DOCK10: variants seen among roughly 807,000 people sequenced by gnomAD.
DOCK10 encodes the protein dedicator of cytokinesis 10.
A neutral mutation model predicts 280.1 loss-of-function variants in DOCK10; 145 were observed. The observed-to-expected ratio is 0.52, with a 90% CI of 0.45 to 0.59. The LOEUF (loss-of-function observed/expected upper bound fraction) is 0.59, where lower values mean the gene tolerates loss of function less well. Ranked by LOEUF, DOCK10 falls within the 20% of genes least tolerant of loss-of-function variation. The probability of loss-of-function intolerance (pLI) is 0.00; values close to 1 mark genes in which losing one functional copy is unlikely to be tolerated. For missense variants in DOCK10, 2,368 were observed against 2,651.7 expected, an observed-to-expected ratio of 0.89 and a Z score of 2.35; for synonymous variants, 915 against 942.2, an observed-to-expected ratio of 0.97 and a Z score of 0.53.
intron 1 of DOCK10, among the ~76,000 whole-genome samples, chr2:224,934,043 A>G (rs1029861401): frequency 1.3e-5 from 2 of 152,164 alleles, no homozygotes; most frequent in African/African-American, 4.8e-5. Context: ...TTATTAATAA[A>G]ACCACAGAGA....
chr2:224,915,556 T>C (rs1469100308), intron 3 of DOCK10, among the ~76,000 whole-genome samples: 1 of 152,214 alleles, frequency 6.6e-6, no homozygotes, highest in African/African-American at 2.4e-5. Context: ...TGTATTAATA[T>C]GTACATTAAT....
intron 53 of DOCK10, among the ~76,000 whole-genome samples, chr2:224,771,840 G>GA: frequency 6.6e-6 from 1 of 151,892 alleles, no homozygotes; most frequent in South Asian, 2.1e-4. Context: ...TCAGCCCATG[G>GA]GGGACACAGA....
intron 1 of DOCK10, among the ~76,000 whole-genome samples, chr2:225,008,885 C>G (rs1390421723): frequency 6.6e-6 from 1 of 152,192 alleles, no homozygotes; most frequent in Non-Finnish European, 1.5e-5. Flanking sequence ...GAACAAACAG[C>G]CACAGTTATG....
At position 224,813,154 on chromosome 2, in the gene DOCK10, C is replaced by T. The variant is rs116237053; in HGVS notation, c.3409+1166G>A. On this transcript the variant is annotated intron_variant, in intron 31 of 55. Coordinates refer to ENST00000258390, the MANE Select transcript of DOCK10 (RefSeq NM_014689.3). ...CTTGATTGTAGTAATCATTTCACAACGCATACATATATCAAAACATGTTTT... is the reference window on the plus strand; with the variant it reads ...CTTGATTGTAGTAATCATTTCACAATGCATACATATATCAAAACATGTTTT... Among the ~76,000 whole-genome samples the T allele has an allele frequency of 1.6e-3, 243 of 152,270 alleles. 1 individual carries two copies. The highest frequency in any genetic ancestry group is 3.4e-3 in the Middle Eastern group (1 of 294).
At chr2:224,778,465 C>T (rs1574801074) in intron 50 of DOCK10, 181 bp from the exon 51 acceptor site, 2 of 672,254 alleles carry the variant, frequency 3.0e-6, no homozygotes, top group East Asian at 5.7e-5. Context: ...AAAGTATCAT[C>T]TTATAATCAG....
At chr2:224,949,257 T>C (rs1021443093) in intron 1 of DOCK10, among the ~76,000 whole-genome samples, 3 of 152,240 alleles carry the variant, frequency 2.0e-5, no homozygotes, top group African/African-American at 7.2e-5. Context: ...TTTTCTGCTT[T>C]AGTTTTAGAA....
intron 7 of DOCK10, among the ~76,000 whole-genome samples, 191 bp downstream of exon 7, chr2:224,885,480 C>T (rs1334116874): frequency 6.6e-6 from 1 of 152,112 alleles, no homozygotes; most frequent in Admixed American, 6.5e-5. Flanking sequence ...CATGTCTTTG[C>T]TTAATTCCTG....
chr2:224,982,352 C>T, intron 1 of DOCK10: 1 of 1,231,938 alleles, frequency 8.1e-7, no homozygotes, highest in Non-Finnish European at 1.0e-6. Context: ...CAGAACAATG[C>T]TGGCAGTGCA....
chr2:224,822,850 G>A (rs1403304336), intron 28 of DOCK10, among the ~76,000 whole-genome samples: 1 of 152,074 alleles, frequency 6.6e-6, no homozygotes, highest in African/African-American at 2.4e-5. Flanking sequence ...AGGCAGAAAT[G>A]TCCAAGAGAA....
chr2:224,893,682 G>C (rs1446238398), intron 4 of DOCK10: 2 of 448,586 alleles, frequency 4.5e-6, no homozygotes, highest in South Asian at 3.4e-5. Flanking sequence ...AAAATCTTAA[G>C]AGTCAATAAT....
intron 18 of DOCK10, among the ~76,000 whole-genome samples, chr2:224,851,032 C>A (rs1185580764): frequency 6.6e-6 from 1 of 152,140 alleles, no homozygotes; most frequent in Non-Finnish European, 1.5e-5. Context: ...CTTGGATGGA[C>A]CCCAGCTCCT....
At chr2:224,769,069 TTA>T (rs776340759) in intron 55 of DOCK10, 111 of 385,132 alleles carry the variant, frequency 2.9e-4, no homozygotes, top group Admixed American at 6.6e-4. Flanking sequence ...TTTGTTCTTT[TTA>T]TTTCACTCCC....
chr2:224,865,186 A>G lies in DOCK10; in HGVS notation c.1258-99T>C, dbSNP rs76163344. On this transcript the variant is annotated intron_variant, in intron 11 of 55. Transcript: ENST00000258390. The stretch of plus-strand genomic sequence containing the variant: ...TTTAACAAAGCAGTAGATAAAATAC[A>G]TGCAGCAGGCAAGCTCCCCTTGACT... The G allele has an allele frequency of 1.7e-3, 2,028 of 1,168,594 alleles. 20 individuals carry two copies. In the African/African-American group the frequency reaches 0.02, roughly 11 times the overall value. 72.4% of individuals were successfully genotyped at this position (1,168,594 alleles called of 1,614,324 possible). A position where few individuals can be genotyped will look rare whatever the true frequency, so the allele number is the denominator to read the frequency against.
At chr2:224,839,079 T>C (rs1231046250) in intron 24 of DOCK10, among the ~76,000 whole-genome samples, 2 of 136,434 alleles carry the variant, frequency 1.5e-5, no homozygotes, top group East Asian at 3.9e-4. Context: ...TGAATGTTCA[T>C]AGCACTTCTT....
At chr2:224,923,156 G>A (rs995014891) in intron 2 of DOCK10, among the ~76,000 whole-genome samples, 11 of 152,174 alleles carry the variant, frequency 7.2e-5, no homozygotes, top group Non-Finnish European at 1.3e-4. Flanking sequence ...GGCCCTTCTT[G>A]TTTTGCTGGG....
intron 1 of DOCK10, among the ~76,000 whole-genome samples, chr2:224,985,630 G>GAAAAA (rs56042875): frequency 0.012 from 1,774 of 142,082 alleles, 14 homozygotes; most frequent in African/African-American, 0.014. Flanking sequence ...GGTTAAGGAG[G>GAAAAA]AAAAAAAAAA....
chr2:225,036,245 A>T (rs1690257397), intron 1 of DOCK10, among the ~76,000 whole-genome samples: 1 of 152,198 alleles, frequency 6.6e-6, no homozygotes, highest in Non-Finnish European at 1.5e-5. Context: ...TCACACTACA[A>T]TTAAGGGGCT....
intron 1 of DOCK10, among the ~76,000 whole-genome samples, chr2:225,018,937 GTGTATATA>G (rs1227302012): frequency 2.0e-5 from 3 of 149,080 alleles, no homozygotes; most frequent in African/African-American, 7.4e-5. Context: ...AGTTATATAT[GTGTATATA>G]TGTATATATG....
At chr2:224,941,219 GTA>G (rs1703049198) in intron 1 of DOCK10, among the ~76,000 whole-genome samples, 1 of 146,830 alleles carries the variant, frequency 6.8e-6, no homozygotes, top group South Asian at 2.1e-4. Context: ...TTTTAGATGA[GTA>G]AGCTTGGATT....
Sources: allele counts gnomAD v4.1 joint callset (sites outside exome capture counted in the v4.1 genomes callset), GRCh38; gene constraint gnomAD v4.1.1; transcripts MANE v1.5; gene names NCBI Gene and HGNC (gene_info 2026-07-23, HGNC 2026-07-21).